Variants in PRKAR1B observed in about 807,000 individuals in gnomAD.
The protein encoded by PRKAR1B is protein kinase cAMP-dependent type I regulatory subunit beta.
A neutral mutation model predicts 46.5 loss-of-function variants in PRKAR1B; 22 were observed. That is an observed-to-expected ratio of 0.47 (90% CI 0.34 to 0.68). The LOEUF (loss-of-function observed/expected upper bound fraction) is 0.68. PRKAR1B is among the 30% of genes least tolerant of loss of function. The pLI is 0.01. For missense variants in PRKAR1B, 445 were observed against 535.6 expected, an observed-to-expected ratio of 0.83 and a Z score of 1.67; for synonymous variants, 259 against 217.7, an observed-to-expected ratio of 1.19 and a Z score of -1.67.
chr7:699,382 G>C (rs547279860), intron 2 of PRKAR1B, among the ~76,000 whole-genome samples: 1 of 152,350 alleles, frequency 6.6e-6, no homozygotes, highest in Admixed American at 6.5e-5. Flanking sequence ...AAGCAGGAAG[G>C]CACTGACGGT....
chr7:682,691 C>T lies in PRKAR1B; in HGVS notation c.178-1965G>A, dbSNP rs571020039. Reference sequence around the variant, plus strand: ...ACCCGGGAGTGAGCTTGCAGTGAGCCGAGATCGTGCCACTGCACTCCAGCC... The same window carrying T: ...ACCCGGGAGTGAGCTTGCAGTGAGCTGAGATCGTGCCACTGCACTCCAGCC... On this transcript the variant is annotated intron_variant, in intron 2 of 10. Coordinates refer to ENST00000537384, the MANE Select transcript of PRKAR1B (RefSeq NM_001164760.2). Among the ~76,000 whole-genome samples the T allele has an allele frequency of 5.2e-3, 791 of 151,300 alleles. 2 individuals are homozygous for T. The highest frequency in any genetic ancestry group is 0.014 in the Middle Eastern group (4 of 294).
chr7:673,902 C>G (rs749863143), intron 4 of PRKAR1B, among the ~76,000 whole-genome samples: 114 of 152,212 alleles, frequency 7.5e-4, no homozygotes, highest in Non-Finnish European at 1.5e-3. Flanking sequence ...CCCTCCTCGC[C>G]TCTTCAGGTG....
At chr7:594,428 G>T (rs1781151888) in intron 7 of PRKAR1B, among the ~76,000 whole-genome samples, 1 of 152,168 alleles carries the variant, frequency 6.6e-6, no homozygotes, top group South Asian at 2.1e-4. Flanking sequence ...GGGCTGCATT[G>T]GCAACAAGCC....
intron 4 of PRKAR1B, among the ~76,000 whole-genome samples, chr7:617,299 CTTTTTTTTTTTT>C (rs71016890): frequency 1.5e-5 from 2 of 132,394 alleles, no homozygotes; most frequent in Non-Finnish European, 3.2e-5. Flanking sequence ...GACCAAGTGC[CTTTTTTTTTTTT>C]TTTTTTTTAA....
intron 8 of PRKAR1B, among the ~76,000 whole-genome samples, chr7:583,608 CCT>C (rs1281187391): frequency 6.8e-6 from 1 of 148,038 alleles, no homozygotes; most frequent in Non-Finnish European, 1.5e-5. Flanking sequence ...ACACACACCC[CCT>C]CACACGTGCA....
intron 6 of PRKAR1B, among the ~76,000 whole-genome samples, chr7:596,609 T>C (rs1781279130): frequency 6.6e-6 from 1 of 152,120 alleles, no homozygotes; most frequent in South Asian, 2.1e-4. Context: ...CGGCCCCCGC[T>C]CTGCGGCACA....
chr7:573,901 G>A (rs1456750699), intron 9 of PRKAR1B, among the ~76,000 whole-genome samples: 4 of 152,236 alleles, frequency 2.6e-5, no homozygotes, highest in Non-Finnish European at 4.4e-5. Context: ...TGGATGTGGA[G>A]GGCGTGGCTG....
At chr7:631,394 C>G (rs976808381) in intron 4 of PRKAR1B, among the ~76,000 whole-genome samples, 2 of 152,164 alleles carry the variant, frequency 1.3e-5, no homozygotes, top group Non-Finnish European at 2.9e-5. Context: ...CAGGGGTGGT[C>G]GCCGGCCCAA....
chr7:599,030 C>A (rs1009091458), intron 6 of PRKAR1B, among the ~76,000 whole-genome samples: 4 of 152,252 alleles, frequency 2.6e-5, no homozygotes, highest in Non-Finnish European at 5.9e-5. Flanking sequence ...CCGCTGCAGG[C>A]AGGACCCAGG....
intron 7 of PRKAR1B, among the ~76,000 whole-genome samples, chr7:592,105 G>C (rs1781009162): frequency 6.6e-6 from 1 of 152,184 alleles, no homozygotes; most frequent in South Asian, 2.1e-4. Flanking sequence ...TTGCCAGGCA[G>C]GTCCCGGCTC....
At chr7:636,775 C>T (rs565995604) in intron 4 of PRKAR1B, among the ~76,000 whole-genome samples, 30 of 152,354 alleles carry the variant, frequency 2.0e-4, no homozygotes, top group African/African-American at 5.0e-4. Context: ...ATCTCTCTGT[C>T]TCTGCACCTG....
At chr7:670,279 TC>T (rs1786161905) in intron 4 of PRKAR1B, among the ~76,000 whole-genome samples, 1 of 152,102 alleles carries the variant, frequency 6.6e-6, no homozygotes. Context: ...ATATTCCTCC[TC>T]CCTAGGCACC....
intron 1 of PRKAR1B, among the ~76,000 whole-genome samples, chr7:718,133 C>G (rs192152556): frequency 2.0e-4 from 30 of 152,000 alleles, no homozygotes; most frequent in African/African-American, 6.8e-4. Flanking sequence ...CTCAGTCGAG[C>G]CTCAGATAAG....
chr7:629,313 G>A (rs568780302), intron 4 of PRKAR1B, among the ~76,000 whole-genome samples: 18 of 151,322 alleles, frequency 1.2e-4, no homozygotes, highest in African/African-American at 2.9e-4. Context: ...GCTGGAAAAC[G>A]CTGCAGGAGC....
intron 6 of PRKAR1B, among the ~76,000 whole-genome samples, chr7:599,781 G>T (rs2128458842): frequency 6.7e-6 from 1 of 150,108 alleles, no homozygotes; most frequent in Admixed American, 6.6e-5. Context: ...GAGGCACATG[G>T]GCAGGCCCCC....
intron 4 of PRKAR1B, among the ~76,000 whole-genome samples, chr7:637,720 A>G (rs1376882997): frequency 1.3e-5 from 2 of 152,068 alleles, no homozygotes; most frequent in African/African-American, 4.8e-5. Context: ...CTGTAATCCC[A>G]GCTACTGAGG....
At chr7:681,312 C>T (rs1463999834) in intron 2 of PRKAR1B, among the ~76,000 whole-genome samples, 1 of 146,476 alleles carries the variant, frequency 6.8e-6, no homozygotes. Flanking sequence ...GACTAATACA[C>T]CCTGTCTCTA....
intron 2 of PRKAR1B, among the ~76,000 whole-genome samples, chr7:685,391 T>TATAC (rs1218358506): frequency 8.1e-6 from 1 of 123,038 alleles, no homozygotes; most frequent in Non-Finnish European, 1.6e-5. Context: ...CATACATATA[T>TATAC]ATATATATAT....
In PRKAR1B at chr7:652,964, C is replaced by T. The variant is rs138344153; in HGVS notation, c.440+24265G>A. ...ACACAGGGTGGTTGGTGGTGGCCACCGGCCTGGCACTCAGGGATGCCACTG... is the reference window on the plus strand; with the variant it reads ...ACACAGGGTGGTTGGTGGTGGCCACTGGCCTGGCACTCAGGGATGCCACTG... On this transcript the variant is annotated intron_variant, in intron 4 of 10. Coordinates refer to ENST00000537384, the MANE Select transcript of PRKAR1B (RefSeq NM_001164760.2). Among the ~76,000 whole-genome samples the T allele has an allele frequency of 5.9e-5, 9 of 152,290 alleles. No individual in the cohort carries two copies. The East Asian group carries it at 7.7e-4, about 13-fold the overall frequency.
Sources: allele counts gnomAD v4.1 joint callset (sites outside exome capture counted in the v4.1 genomes callset), GRCh38; gene constraint gnomAD v4.1.1; transcripts MANE v1.5; gene names NCBI Gene and HGNC (gene_info 2026-07-23, HGNC 2026-07-21).